Variants in CDS1 observed in about 807,000 individuals in gnomAD.
CDS1 encodes the protein CDP-diacylglycerol synthase 1, also known as phosphatidate cytidylyltransferase 1.
In CDS1, 41 loss-of-function variants were observed where a neutral mutation model predicts 62.1. That is an observed-to-expected ratio of 0.66 (90% confidence interval 0.51 to 0.86). CDS1 has a LOEUF of 0.86. Among genes scored for constraint, CDS1 ranks in the 40% least tolerant of loss-of-function variants. The probability of loss-of-function intolerance (pLI) is 0.00; values close to 1 mark genes in which losing one functional copy is unlikely to be tolerated. For synonymous variants in CDS1, 185 were observed against 192.6 expected (o/e 0.96, Z 0.32); for missense variants, 470 against 550.1 (o/e 0.85, Z 1.46).
chr4:84,619,252 C>T (rs1194925169), intron 4 of CDS1, 142 bp from the exon 5 acceptor site: 8 of 444,644 alleles, frequency 1.8e-5, no homozygotes, highest in Non-Finnish European at 2.7e-5. Flanking sequence ...AGGAAAATAG[C>T]ATTTTGGTAA....
chr4:84,640,781 T>C lies in CDS1; in HGVS notation c.880-57T>C, dbSNP rs1724354618. ...ACTTAAAAGATATATGTTTAGTCAATGTGTTATGAACTTTTGCTTTGTTTT... is the reference window on the plus strand; with the variant it reads ...ACTTAAAAGATATATGTTTAGTCAACGTGTTATGAACTTTTGCTTTGTTTT... On this transcript the variant is annotated intron_variant, in intron 9 of 12. Coordinates refer to ENST00000295887, the MANE Select transcript of CDS1 (RefSeq NM_001263.4). 2.3e-6 allele frequency: 3 copies of C among 1,328,714 alleles called. No individual in the cohort carries two copies. In the African/African-American group the frequency reaches 4.5e-5, roughly 20 times the overall value. The allele number at this position is 1,328,714 out of a possible 1,614,324, so 82.3% of individuals were successfully genotyped here.
chr4:84,596,054 CT>C (rs1722737137), intron 1 of CDS1, among the ~76,000 whole-genome samples: 1 of 152,158 alleles, frequency 6.6e-6, no homozygotes, highest in South Asian at 2.1e-4. Context: ...GCCTGGAAGA[CT>C]TGGCCCGATT....
At chr4:84,646,658 A>G (rs554856514) in intron 12 of CDS1, among the ~76,000 whole-genome samples, 25 of 152,210 alleles carry the variant, frequency 1.6e-4, no homozygotes, top group Admixed American at 1.4e-3. Flanking sequence ...TGATTTGAGT[A>G]TTTTATAATT....
At chr4:84,612,123 T>A (rs1398697955) in intron 3 of CDS1, among the ~76,000 whole-genome samples, 1 of 151,068 alleles carries the variant, frequency 6.6e-6, no homozygotes, top group East Asian at 2.0e-4. Flanking sequence ...AGTGTGCCAC[T>A]TGGACCTTTG....
intron 5 of CDS1, among the ~76,000 whole-genome samples, chr4:84,625,294 G>A (rs1023824220): frequency 2.6e-5 from 4 of 152,152 alleles, no homozygotes; most frequent in African/African-American, 9.7e-5. Context: ...AAACATTTCA[G>A]TGTTTTCCAA....
intron 1 of CDS1, among the ~76,000 whole-genome samples, chr4:84,592,660 G>T (rs1254218600): frequency 6.6e-6 from 1 of 152,180 alleles, no homozygotes; most frequent in Non-Finnish European, 1.5e-5. Flanking sequence ...AAAGGCACAG[G>T]ATGGGAGAAA....
intron 2 of CDS1, among the ~76,000 whole-genome samples, chr4:84,607,348 A>G (rs974926729): frequency 2.6e-5 from 4 of 151,898 alleles, no homozygotes; most frequent in Admixed American, 6.6e-5. Context: ...CAGTGGCACA[A>G]TCATGGCTCA....
intron 3 of CDS1, 37 bp from the exon 4 acceptor site, chr4:84,617,527 T>A: frequency 2.0e-6 from 2 of 1,024,476 alleles, no homozygotes; most frequent in Non-Finnish European, 3.1e-6. Flanking sequence ...AATGTAAACA[T>A]TGAGAAATGT....
intron 1 of CDS1, among the ~76,000 whole-genome samples, chr4:84,589,120 T>C (rs1426692751): frequency 8.5e-5 from 13 of 152,200 alleles, no homozygotes; most frequent in African/African-American, 2.4e-4. Flanking sequence ...TTGGTTTTAT[T>C]TACAGAAGCA....
At chr4:84,628,953 C>T (rs528300122) in intron 5 of CDS1, among the ~76,000 whole-genome samples, 1 of 152,014 alleles carries the variant, frequency 6.6e-6, no homozygotes, top group Non-Finnish European at 1.5e-5. Flanking sequence ...ATTGAGAACA[C>T]CAGGCACAAT....
chr4:84,604,921 A>G (rs1011964796), intron 2 of CDS1, among the ~76,000 whole-genome samples: 12 of 152,132 alleles, frequency 7.9e-5, no homozygotes, highest in African/African-American at 2.4e-4. Flanking sequence ...CCAGGCCAGT[A>G]TTTTCTTTTC....
intron 1 of CDS1, among the ~76,000 whole-genome samples, chr4:84,593,827 A>G (rs1722667754): frequency 6.6e-6 from 1 of 152,146 alleles, no homozygotes; most frequent in Admixed American, 6.5e-5. Flanking sequence ...TAAGGAAAAA[A>G]GAAAAGGCAG....
rs563615069 is a variant in CDS1 at position 84,597,389 on chromosome 4, G to A, written c.118-6854G>A. ...GCAGTGGCTCACACCTGTAATCCCA[G>A]CACTTTGGGAGGCCAAGGTGGGAGG... On this transcript the variant is annotated intron_variant, in intron 1 of 12. Transcript: ENST00000295887. Among the ~76,000 whole-genome samples the A allele has an allele frequency of 5.3e-3, 807 of 152,300 alleles. 9 individuals carry two copies. Among genetic ancestry groups the A allele is most frequent in the African/African-American group, 0.018 (765 of 41,556 alleles).
intron 5 of CDS1, among the ~76,000 whole-genome samples, chr4:84,623,846 T>C (rs1181972663): frequency 1.3e-5 from 2 of 152,044 alleles, no homozygotes; most frequent in African/African-American, 4.8e-5. Flanking sequence ...TGGCTCCTTT[T>C]CATGACTGCA....
In CDS1 at chr4:84,649,710, T is replaced by C. The variant is rs528446746; in HGVS notation, c.*1024T>C. The C allele has an allele frequency of 1.3e-5, 2 of 152,388 alleles. No homozygotes were observed. Among genetic ancestry groups the C allele is most frequent in the African/African-American group, 2.4e-5 (1 of 41,584 alleles). 9.4% of individuals were successfully genotyped at this position (152,388 alleles called of 1,614,324 possible). ...CACCTCGCAAGAAGGAAGATCTGCC[T>C]GGAGACCTGATCCCAGTCCAGCTTT... On this transcript the variant is annotated 3_prime_UTR_variant, in exon 13 of 13. Coordinates refer to ENST00000295887, the MANE Select transcript of CDS1 (RefSeq NM_001263.4).
intron 7 of CDS1, 139 bp from the exon 8 acceptor site, chr4:84,635,125 T>G (rs1293357600): frequency 1.5e-5 from 8 of 549,010 alleles, no homozygotes; most frequent in Non-Finnish European, 2.5e-5. Context: ...TTTTGGCAAG[T>G]GTTATGTTCT....
chr4:84,631,810 C>A lies in CDS1; in HGVS notation c.581-9C>A, dbSNP rs371649448. ...GTACAACGAGCACATGTTTTTTGTT[C>A]TTGAACAGGTTTCTGCATGTTTGTA... On this transcript the variant is annotated splice_polypyrimidine_tract_variant and intron_variant, in intron 5 of 12. Coordinates refer to ENST00000295887, the MANE Select transcript of CDS1 (RefSeq NM_001263.4). The A allele has an allele frequency of 6.2e-7, 1 of 1,610,770 alleles. No individual in the cohort carries two copies. Among genetic ancestry groups the A allele is most frequent in the Non-Finnish European group, 8.5e-7 (1 of 1,177,324 alleles).
chr4:84,591,291 C>T (rs1428682533), intron 1 of CDS1, among the ~76,000 whole-genome samples: 2 of 152,054 alleles, frequency 1.3e-5, no homozygotes, highest in African/African-American at 2.4e-5. Context: ...TTGGGGATGT[C>T]TTTTCCAAAA....
At position 84,599,405 on chromosome 4, in the gene CDS1, C is replaced by CATATATATAT. The variant is rs59313355; in HGVS notation, c.118-4801_118-4792dup. Among the ~76,000 whole-genome samples the CATATATATAT allele has an allele frequency of 1.8e-3, 45 of 24,622 alleles. 1 individual carries two copies. Among genetic ancestry groups the CATATATATAT allele is most frequent in the South Asian group, 9.9e-3 (5 of 504 alleles). The allele number at this position is 24,622 out of a possible 152,430, so 16.2% of individuals were successfully genotyped here. On this transcript the variant is annotated intron_variant, in intron 1 of 12. Transcript: ENST00000295887. Reference sequence around the variant, plus strand: ...TTTGGCAAATTTTGACACACACACACATATATATATATATATATATATATA... The same window carrying CATATATATAT: ...TTTGGCAAATTTTGACACACACACACATATATATATATATATATATATATATATATATATA...
Sources: gnomAD v4.1 joint callset for allele counts (sites outside exome capture counted in the v4.1 genomes callset) on GRCh38, gnomAD v4.1.1 for gene constraint, MANE v1.5 for transcripts, NCBI Gene and HGNC (gene_info 2026-07-23, HGNC 2026-07-21) for gene names.